Variants in CENATAC observed in about 807,000 individuals in gnomAD.
CENATAC encodes the protein centrosomal AT-AC splicing factor.
CENATAC carries 53 observed loss-of-function variants against 53.7 expected under a neutral mutation model. The ratio of observed to expected loss-of-function variants is 0.99; its 90% CI spans 0.79 to 1.24. The LOEUF is 1.24. Among genes scored for constraint, CENATAC ranks in the 50% most tolerant of loss-of-function variants. The probability of loss-of-function intolerance (pLI) is 0.00; values close to 1 mark genes in which losing one functional copy is unlikely to be tolerated. For synonymous variants in CENATAC, 156 were observed against 144.6 expected (o/e 1.08, Z -0.57); for missense variants, 474 against 417.8 (o/e 1.13, Z -1.17).
chr11:119,015,113 CTA>C, intron 9 of CENATAC, 30 bp downstream of exon 9: 1 of 1,560,028 alleles, frequency 6.4e-7, no homozygotes, highest in Middle Eastern at 1.7e-4. Context: ...AGAGGATCGT[CTA>C]AATCTTCACA....
At chr11:119,001,650 C>G (rs782268593) in intron 3 of CENATAC, 10 of 455,796 alleles carry the variant, frequency 2.2e-5, no homozygotes, top group South Asian at 1.4e-4. Context: ...CAAATTGTTG[C>G]AAATCTCCAA....
In CENATAC at chr11:119,015,525, T is replaced by C; in HGVS notation, c.939-13T>C. The C allele has an allele frequency of 2.5e-6, 4 of 1,613,696 alleles. No individual in the cohort carries two copies. In the South Asian group the frequency reaches 3.3e-5, roughly 13 times the overall value. On this transcript the variant is annotated splice_polypyrimidine_tract_variant and intron_variant, in intron 10 of 10. Transcript: ENST00000334418. Reference sequence around the variant, plus strand: ...ACCCTTCATCATCGTGTTAACCCTTTATTTCCTTTCAGACATCAATTCAAA... The same window carrying C: ...ACCCTTCATCATCGTGTTAACCCTTCATTTCCTTTCAGACATCAATTCAAA...
At chr11:119,014,508 CT>C (rs1459964352) in intron 8 of CENATAC, 2 of 152,244 alleles carry the variant, frequency 1.3e-5, no homozygotes, top group African/African-American at 2.4e-5. Context: ...GAACCGAGAC[CT>C]GGGAGGCGGA....
chr11:118,999,854 G>C (rs912174797), intron 3 of CENATAC, among the ~76,000 whole-genome samples: 4 of 152,122 alleles, frequency 2.6e-5, no homozygotes, highest in African/African-American at 9.7e-5. Flanking sequence ...GTGTTAGCCA[G>C]GATGGTCTCG....
intron 7 of CENATAC, chr11:119,012,714 T>C (rs191525234): frequency 4.1e-5 from 7 of 168,868 alleles, no homozygotes; most frequent in Non-Finnish European, 7.7e-5. Flanking sequence ...GTACCACTTA[T>C]GATTTTACTC....
intron 3 of CENATAC, among the ~76,000 whole-genome samples, chr11:119,006,834 T>C (rs1013262730): frequency 5.9e-5 from 9 of 152,236 alleles, no homozygotes; most frequent in African/African-American, 2.2e-4. Flanking sequence ...CCCCATGCTG[T>C]TCTCATGGTA....
chr11:119,011,886 A>G, intron 5 of CENATAC, 53 bp from the exon 6 acceptor site: 1 of 1,530,462 alleles, frequency 6.5e-7, no homozygotes, highest in Non-Finnish European at 9.0e-7. Context: ...GGCATGGCCT[A>G]GGCAGGCTCT....
At chr11:119,000,437 CTTTTTTT>C (rs138391837) in intron 3 of CENATAC, among the ~76,000 whole-genome samples, 124 of 132,064 alleles carry the variant, frequency 9.4e-4, no homozygotes, top group African/African-American at 3.1e-3. Flanking sequence ...CATGAATTTC[CTTTTTTT>C]TTTTTTTTTT....
chr11:119,001,698 G>A (rs1260202679), intron 3 of CENATAC: 2 of 455,870 alleles, frequency 4.4e-6, no homozygotes, highest in South Asian at 1.5e-5. Context: ...TCAAACTTGT[G>A]CTGTGCAAGA....
At position 119,015,029 on chromosome 11, in the gene CENATAC, T is replaced by A; in HGVS notation, c.751T>A (p.Tyr251Asn). The change falls in exon 9 of 11, where the codon TAC (tyrosine) becomes AAC (asparagine). Residue 251 changes from tyrosine (Y) to asparagine (N), a missense_variant. By Grantham distance (143) the Tyr-to-Asn change is moderately radical (BLOSUM62 -2). Coordinates refer to ENST00000334418, the MANE Select transcript of CENATAC (RefSeq NM_198489.3). ...TPPWMIQDEE[Y>N]IAGNQEIGPS... ...TCCCTGGATGATCCAAGATGAAGAA[T>A]ACATTGCTGGGAACCAAGAAATAGG... 1 of 1,606,130 alleles carries A rather than the reference T, an allele frequency of 6.2e-7. No individual in the cohort carries two copies. The highest frequency in any genetic ancestry group is 8.5e-7 in the Non-Finnish European group (1 of 1,175,838).
chr11:118,998,424 C>A lies in CENATAC; in HGVS notation c.121-6C>A, dbSNP rs782458323. The A allele has an allele frequency of 1.9e-6, 3 of 1,612,192 alleles. No homozygotes were observed. The highest frequency in any genetic ancestry group is 3.3e-5 in the Admixed American group (2 of 59,930). ...CTCGGGGTTCTACTTGGCCTCTCTG[C>A]GGCAGGTGGAGGCGGCCCGCAAGGC... On this transcript the variant is annotated splice_polypyrimidine_tract_variant and splice_region_variant and intron_variant, in intron 1 of 10. Coordinates refer to ENST00000334418, the MANE Select transcript of CENATAC (RefSeq NM_198489.3).
In CENATAC at chr11:119,015,252, C is replaced by A. The variant is rs1012754265; in HGVS notation, c.806-55C>A. 3 of 1,531,742 alleles carry A rather than the reference C, an allele frequency of 2.0e-6. No individual in the cohort carries two copies. The East Asian group carries it at 6.8e-5, about 35-fold the overall frequency. The allele number at this position is 1,531,742 out of a possible 1,614,324, so 94.9% of individuals were successfully genotyped here. A position where few individuals can be genotyped will look rare whatever the true frequency, so the allele number is the denominator to read the frequency against. ...AACAGCCTGGACAACATAGTGAGACCCCATCTCTATATTCTTCAATAAAGA... is the reference window on the plus strand; with the variant it reads ...AACAGCCTGGACAACATAGTGAGACACCATCTCTATATTCTTCAATAAAGA... On this transcript the variant is annotated intron_variant, in intron 9 of 10. Transcript: ENST00000334418.
At chr11:119,007,185 TTTTCG>T (rs1173085601) in intron 3 of CENATAC, among the ~76,000 whole-genome samples, 1 of 152,176 alleles carries the variant, frequency 6.6e-6, no homozygotes, top group East Asian at 1.9e-4. Context: ...TATAGTTTTC[TTTTCG>T]TTTCTTTTTT....
At position 119,002,912 on chromosome 11, in the gene CENATAC, A is replaced by G. The variant is rs1333269626; in HGVS notation, c.383+3803A>G. ...GCAATTCTCCTGCCTCAGCCTCCTG[A>G]GTAGCTGGTATTACAGGCATGCGCC... On this transcript the variant is annotated intron_variant, in intron 3 of 10. Transcript: ENST00000334418. 5 of 352,964 alleles carry G rather than the reference A, an allele frequency of 1.4e-5. No individual in the cohort carries two copies. In the East Asian group the frequency reaches 3.8e-4, roughly 27 times the overall value. 21.9% of individuals were successfully genotyped at this position (352,964 alleles called of 1,614,324 possible). A position where few individuals can be genotyped will look rare whatever the true frequency, so the allele number is the denominator to read the frequency against.
intron 5 of CENATAC, 165 bp downstream of exon 5, chr11:119,011,448 A>G (rs1942864886): frequency 3.5e-6 from 2 of 567,930 alleles, no homozygotes; most frequent in Non-Finnish European, 6.2e-6. Context: ...ATCTCGGCTC[A>G]CTGCAACCTC....
At position 119,015,000 on chromosome 11, in the gene CENATAC, C is replaced by T; in HGVS notation, c.722C>T (p.Thr241Ile). ...GCCTTAATTTTTTTTTCAGGTGCCA[C>T]ACCTCCCTGGATGATCCAAGATGAA... ...PGVGNIHSGA[T>I]PPWMIQDEEY... is the part of the protein sequence containing the mutation. The change falls in exon 9 of 11, where the codon ACA (threonine) becomes ATA (isoleucine). Residue 241 changes from threonine to isoleucine, a missense_variant. Transcript: ENST00000334418. The T allele has an allele frequency of 6.4e-7, 1 of 1,557,092 alleles. No individual in the cohort carries two copies. The highest frequency in any genetic ancestry group is 8.7e-7 in the Non-Finnish European group (1 of 1,155,914).
chr11:119,001,685 A>G (rs1592050081), intron 3 of CENATAC: 1 of 456,042 alleles, frequency 2.2e-6, no homozygotes, highest in African/African-American at 2.0e-5. Flanking sequence ...GAACTCGTGC[A>G]GTTCAAACTT....
intron 3 of CENATAC, chr11:119,005,891 A>T (rs1319104892): frequency 6.6e-6 from 1 of 150,772 alleles, no homozygotes; most frequent in African/African-American, 2.4e-5. Flanking sequence ...TGTACAGTCC[A>T]TTATTATTAT....
In CENATAC at chr11:119,008,850, A is replaced by G. The variant is rs376693978; in HGVS notation, c.384-1914A>G. ...GGTTTATTGAGACTAGAGAATGGCA[A>G]TGACCTTTACCAGATGTACTGCTTG... On this transcript the variant is annotated intron_variant, in intron 3 of 10. Transcript: ENST00000334418. 1.3e-4 allele frequency among the ~76,000 whole-genome samples: 20 copies of G among 152,114 alleles called. 1 individual carries two copies. Among genetic ancestry groups the G allele is most frequent in the South Asian group, 8.3e-4 (4 of 4,828 alleles).
Sources: allele counts gnomAD v4.1 joint callset (sites outside exome capture counted in the v4.1 genomes callset), GRCh38; gene constraint gnomAD v4.1.1; transcripts MANE v1.5; gene names NCBI Gene and HGNC (gene_info 2026-07-23, HGNC 2026-07-21).